The following ASIC2 variants were observed in gnomAD, a reference collection of about 807,000 sequenced individuals.
The protein encoded by ASIC2 is acid sensing ion channel subunit 2.
In ASIC2, 25 loss-of-function variants were observed where a neutral mutation model predicts 57.3. That is an observed-to-expected ratio of 0.44 (90% CI 0.32 to 0.61). The LOEUF (loss-of-function observed/expected upper bound fraction) is 0.61. Among genes scored for constraint, ASIC2 ranks in the 20% least tolerant of loss-of-function variants. The pLI, the probability that ASIC2 is intolerant of heterozygous loss-of-function variation, is 0.06. For synonymous variants in ASIC2, 319 were observed against 307.5 expected (o/e 1.04, Z -0.39); for missense variants, 641 against 738.1 (o/e 0.87, Z 1.52).
intron 1 of ASIC2, among the ~76,000 whole-genome samples, chr17:33,369,713 G>T (rs560441779): frequency 2.8e-4 from 43 of 152,328 alleles, no homozygotes; most frequent in African/African-American, 1.0e-3. Context: ...CACATGGCTA[G>T]TAAGAGGCAG....
At chr17:33,851,256 C>A (rs1393382698) in intron 1 of ASIC2, among the ~76,000 whole-genome samples, 1 of 152,040 alleles carries the variant, frequency 6.6e-6, no homozygotes, top group African/African-American at 2.4e-5. Context: ...CAGGGGAGGG[C>A]CCTAGGCAGA....
chr17:33,736,514 G>A (rs1419697889), intron 1 of ASIC2, among the ~76,000 whole-genome samples: 1 of 152,092 alleles, frequency 6.6e-6, no homozygotes. Context: ...AAGATCCCAG[G>A]CATCTGTTTC....
At chr17:33,792,338 C>T (rs1053071964) in intron 1 of ASIC2, 1 of 152,162 alleles carries the variant, frequency 6.6e-6, no homozygotes, top group Non-Finnish European at 1.5e-5. Flanking sequence ...GGGTGATAGT[C>T]CCCCATTCCC....
At chr17:33,080,397 G>A (rs925327659) in intron 3 of ASIC2, among the ~76,000 whole-genome samples, 1 of 152,100 alleles carries the variant, frequency 6.6e-6, no homozygotes, top group African/African-American at 2.4e-5. Context: ...GTGTGCTGGA[G>A]GTGGACTGGC....
chr17:33,631,049 A>C (rs929637858), intron 1 of ASIC2, among the ~76,000 whole-genome samples: 1 of 152,206 alleles, frequency 6.6e-6, no homozygotes, highest in Admixed American at 6.5e-5. Flanking sequence ...AAAGTTGGAG[A>C]ATAAACCTGG....
At chr17:33,328,665 C>G (rs756513657) in intron 1 of ASIC2, among the ~76,000 whole-genome samples, 1 of 152,204 alleles carries the variant, frequency 6.6e-6, no homozygotes, top group Non-Finnish European at 1.5e-5. Flanking sequence ...AGGATTTCCT[C>G]TCATCCACTC....
At chr17:33,385,437 C>T (rs1909640602) in intron 1 of ASIC2, among the ~76,000 whole-genome samples, 1 of 152,226 alleles carries the variant, frequency 6.6e-6, no homozygotes, top group Non-Finnish European at 1.5e-5. Flanking sequence ...TCTCTCTCCT[C>T]CCACATAAAA....
intron 3 of ASIC2, among the ~76,000 whole-genome samples, chr17:33,057,106 C>T (rs1449974263): frequency 6.6e-6 from 1 of 152,038 alleles, no homozygotes; most frequent in East Asian, 1.9e-4. Flanking sequence ...ATATTAGGGC[C>T]CTGGGCACTG....
rs532466299 is a variant in ASIC2 at position 33,658,957 on chromosome 17, C to T, written c.555+497021G>A. On this transcript the variant is annotated intron_variant, in intron 1 of 9. Transcript: ENST00000359872. ...GGCGGAGGTTGCAGTGAGCTGAGAT[C>T]GCGCCACTGCACTCCAACCTGGGCA... is the stretch of plus-strand genomic sequence containing the variant. 7.3e-4 allele frequency among the ~76,000 whole-genome samples: 111 copies of T among 152,208 alleles called. 2 individuals are homozygous for T. The South Asian group carries it at 0.016, about 23-fold the overall frequency.
In ASIC2 at chr17:33,931,968, C is replaced by A. The variant is rs561652407; in HGVS notation, c.555+224010G>T. On this transcript the variant is annotated intron_variant, in intron 1 of 9. Coordinates refer to the ASIC2 transcript ENST00000359872. ...AGTCTTAGAACTGATTAGATGAGAGCCATGCTGGGTCTGTCGGGCTCAATT... is the reference window on the plus strand; with the variant it reads ...AGTCTTAGAACTGATTAGATGAGAGACATGCTGGGTCTGTCGGGCTCAATT... Among the ~76,000 whole-genome samples the A allele has an allele frequency of 3.8e-4, 58 of 152,310 alleles. 1 individual carries two copies. The highest frequency in any genetic ancestry group is 1.3e-3 in the African/African-American group (54 of 41,570).
chr17:33,837,262 G>T (rs1029661870), intron 1 of ASIC2, among the ~76,000 whole-genome samples: 14 of 152,178 alleles, frequency 9.2e-5, no homozygotes, highest in Admixed American at 6.5e-4. Flanking sequence ...GGACAGTCCC[G>T]AAGGCCTAAG....
intron 1 of ASIC2, among the ~76,000 whole-genome samples, chr17:34,021,343 C>G (rs539595442): frequency 1.3e-5 from 2 of 152,218 alleles, no homozygotes; most frequent in Non-Finnish European, 2.9e-5. Context: ...TTCAATCTCT[C>G]TGGAAAAGTC....
chr17:33,808,267 AT>A (rs899175375), intron 1 of ASIC2, among the ~76,000 whole-genome samples: 3 of 152,202 alleles, frequency 2.0e-5, no homozygotes, highest in Non-Finnish European at 4.4e-5. Context: ...TCCCAGCACC[AT>A]TTTTTGAAAA....
intron 1 of ASIC2, among the ~76,000 whole-genome samples, chr17:33,884,237 TC>T (rs2141942208): frequency 6.6e-6 from 1 of 152,262 alleles, no homozygotes; most frequent in South Asian, 2.1e-4. Context: ...GATATTTATT[TC>T]CCCAACCCCA....
chr17:33,363,619 C>A (rs566717962), intron 1 of ASIC2, among the ~76,000 whole-genome samples: 1 of 152,344 alleles, frequency 6.6e-6, no homozygotes, highest in East Asian at 1.9e-4. Flanking sequence ...TGCGCATGTC[C>A]ATTTACCACC....
At chr17:33,637,187 C>A (rs1906399989) in intron 1 of ASIC2, among the ~76,000 whole-genome samples, 1 of 152,090 alleles carries the variant, frequency 6.6e-6, no homozygotes, top group Non-Finnish European at 1.5e-5. Context: ...CAATTAAAAA[C>A]TGCCTGAGGT....
chr17:33,056,045 C>T (rs1450641922), intron 3 of ASIC2, among the ~76,000 whole-genome samples: 1 of 152,232 alleles, frequency 6.6e-6, no homozygotes, highest in African/African-American at 2.4e-5. Flanking sequence ...CATGCTGGAG[C>T]TAGGTTGAGA....
intron 1 of ASIC2, among the ~76,000 whole-genome samples, chr17:33,825,614 G>A (rs1450375068): frequency 6.6e-6 from 1 of 152,142 alleles, no homozygotes; most frequent in African/African-American, 2.4e-5. Context: ...GCTATGTCTG[G>A]CAGTTCACCA....
At chr17:33,638,182 A>G (rs945967610) in intron 1 of ASIC2, among the ~76,000 whole-genome samples, 2 of 152,212 alleles carry the variant, frequency 1.3e-5, no homozygotes, top group South Asian at 4.1e-4. Context: ...CAGTCTGTCT[A>G]TCATTTAACT....
Sources: gnomAD v4.1 joint callset for allele counts (sites outside exome capture counted in the v4.1 genomes callset) on GRCh38, gnomAD v4.1.1 for gene constraint, MANE v1.5 for transcripts, NCBI Gene and HGNC (gene_info 2026-07-23, HGNC 2026-07-21) for gene names.